ZDHHC6: variants seen among roughly 807,000 people sequenced by gnomAD.
The protein encoded by ZDHHC6 is palmitoyltransferase ZDHHC6.
Under a neutral mutation model 57.8 loss-of-function variants are expected in ZDHHC6, and 32 were observed. The observed-to-expected ratio is 0.55, with a 90% CI of 0.42 to 0.74. The LOEUF (loss-of-function observed/expected upper bound fraction) is 0.74. Among genes scored for constraint, ZDHHC6 ranks in the 30% least tolerant of loss-of-function variants. The probability of loss-of-function intolerance (pLI) is 0.00; values close to 1 mark genes in which losing one functional copy is unlikely to be tolerated. For missense variants in ZDHHC6, 433 were observed against 500.7 expected (o/e 0.86, Z 1.29); for synonymous variants, 128 against 158.0 (o/e 0.81, Z 1.42).
At chr10:112,447,094 C>G (rs1014452872), upstream of ZDHHC6, 4 of 454,314 alleles carry the variant, frequency 8.8e-6, no homozygotes, top group Non-Finnish European at 1.6e-5. Flanking sequence ...TATTTTCATA[C>G]GCTTTTCTGG....
At chr10:112,431,695 A>G (rs1326817679) in intron 10 of ZDHHC6, among the ~76,000 whole-genome samples, 2 of 152,026 alleles carry the variant, frequency 1.3e-5, no homozygotes, top group Admixed American at 6.6e-5. Flanking sequence ...GAACATCCCG[A>G]GCTAATCTTT....
intron 2 of ZDHHC6, among the ~76,000 whole-genome samples, 177 bp downstream of exon 2, chr10:112,444,993 G>A (rs1284135693): frequency 1.3e-5 from 2 of 151,966 alleles, no homozygotes; most frequent in Non-Finnish European, 2.9e-5. Flanking sequence ...GGATCAATGT[G>A]TTCAAACAGA....
Position 112,445,531 on chromosome 10 carries a change from T to C in ZDHHC6, c.-95A>G. On this transcript the variant is annotated 5_prime_UTR_variant, in exon 2 of 11. Transcript: ENST00000369405. The stretch of plus-strand genomic sequence containing the variant: ...ATGTGCCACAAGTCCATGTGTGTTC[T>C]TTAATTGTCATGCCTTCAAGCTGTG... 1.4e-6 allele frequency: 2 copies of C among 1,406,914 alleles called. No individual in the cohort carries two copies. The highest frequency in any genetic ancestry group is 1.4e-5 in the South Asian group (1 of 73,174). 87.2% of individuals were successfully genotyped at this position (1,406,914 alleles called of 1,614,324 possible). A position where few individuals can be genotyped will look rare whatever the true frequency, so the allele number is the denominator to read the frequency against.
At chr10:112,434,585 G>T in intron 6 of ZDHHC6, 121 bp from the exon 7 acceptor site, 1 of 1,005,882 alleles carries the variant, frequency 9.9e-7, no homozygotes, top group Non-Finnish European at 1.4e-6. Flanking sequence ...CCTCCTTGCT[G>T]TAATATTAGT....
At chr10:112,446,041 T>A (rs1564773285) in intron 1 of ZDHHC6, among the ~76,000 whole-genome samples, 1 of 152,168 alleles carries the variant, frequency 6.6e-6, no homozygotes, top group Non-Finnish European at 1.5e-5. Flanking sequence ...TAGACCAAGG[T>A]CACAAGTAAC....
In ZDHHC6 at chr10:112,445,263, G is replaced by A. The variant is rs1050706393; in HGVS notation, c.174C>T (p.Phe58=). 1 of 1,614,160 alleles carries A rather than the reference G, an allele frequency of 6.2e-7. No homozygotes were observed. Among genetic ancestry groups the A allele is most frequent in the Non-Finnish European group, 8.5e-7 (1 of 1,180,016 alleles). ...TGACAGTCCAATTTATCAACATGATGAAATTCACACTTCCTCCAGTTGTAT... is the reference window on the plus strand; with the variant it reads ...TGACAGTCCAATTTATCAACATGATAAAATTCACACTTCCTCCAGTTGTAT... ...PLHTTGGSVN[F]IMLINWTVMI... The change falls in exon 2 of 11, where the codon TTC becomes TTT. Residue 58 remains phenylalanine (F), a synonymous_variant. Transcript: ENST00000369405.
chr10:112,440,409 TA>T, intron 5 of ZDHHC6, 124 bp downstream of exon 5: 2 of 1,090,870 alleles, frequency 1.8e-6, no homozygotes, highest in Non-Finnish European at 2.5e-6. Flanking sequence ...ATTAGTTACC[TA>T]AATGAAATAA....
chr10:112,444,112 T>TATAGGG (rs1846412062), intron 2 of ZDHHC6, among the ~76,000 whole-genome samples: 1 of 152,214 alleles, frequency 6.6e-6, no homozygotes, highest in Non-Finnish European at 1.5e-5. Context: ...CACCTCTGAC[T>TATAGGG]GTGTCAGACT....
chr10:112,438,454 A>G (rs1845759757), intron 5 of ZDHHC6, 65 bp from the exon 6 acceptor site: 2 of 1,191,782 alleles, frequency 1.7e-6, no homozygotes, highest in Non-Finnish European at 2.3e-6. Flanking sequence ...TATCATATTC[A>G]TAATTCTCTG....
intron 6 of ZDHHC6, among the ~76,000 whole-genome samples, chr10:112,437,919 C>T (rs1448996993): frequency 1.3e-5 from 2 of 152,164 alleles, no homozygotes; most frequent in Admixed American, 6.5e-5. Context: ...AAGTATTGGA[C>T]ATTGTGAGGT....
rs1844910250 is a variant in ZDHHC6 at position 112,430,317 on chromosome 10, T to C, written c.*487A>G. 6.6e-6 allele frequency: 1 copy of C among 152,336 alleles called. No homozygotes were observed. Among genetic ancestry groups the C allele is most frequent in the Admixed American group, 6.5e-5 (1 of 15,292 alleles). The allele number at this position is 152,336 out of a possible 1,614,324, so 9.4% of individuals were successfully genotyped here. On this transcript the variant is annotated 3_prime_UTR_variant, in exon 11 of 11. Coordinates refer to ENST00000369405, the MANE Select transcript of ZDHHC6 (RefSeq NM_022494.3). ...AAAACTGATTATACCCAACATCCAT[T>C]GATCTTTATTTGATTTGACAAAATC...
chr10:112,438,545 G>A (rs1015566462), intron 5 of ZDHHC6, among the ~76,000 whole-genome samples, 156 bp from the exon 6 acceptor site: 1 of 151,764 alleles, frequency 6.6e-6, no homozygotes, highest in African/African-American at 2.4e-5. Context: ...CATGTCATCC[G>A]TCTGACTCCA....
intron 6 of ZDHHC6, among the ~76,000 whole-genome samples, chr10:112,434,823 T>C (rs1006013453): frequency 1.3e-5 from 2 of 152,236 alleles, no homozygotes; most frequent in African/African-American, 4.8e-5. Context: ...GGGATGCAGA[T>C]AAACAGATTC....
intron 2 of ZDHHC6, 54 bp from the exon 3 acceptor site, chr10:112,443,660 T>C (rs1179251548): frequency 2.1e-6 from 3 of 1,411,678 alleles, no homozygotes; most frequent in Admixed American, 1.7e-5. Context: ...AATATAAGTA[T>C]GATTCCTACG....
In ZDHHC6 at chr10:112,432,488, C is replaced by T. The variant is rs965780986; in HGVS notation, c.979G>A (p.Ala327Thr). Residue 327 changes from alanine (A) to threonine (T), a missense_variant, in exon 9 of 11, where the codon GCC (alanine) becomes ACC (threonine). Ala to Thr is a moderately conservative substitution (Grantham distance 58). Coordinates refer to ENST00000369405, the MANE Select transcript of ZDHHC6 (RefSeq NM_022494.3). ...ATTCCTTTATTCAGAGGGCAGCAGGCACCACTATAATCTTCTATTACTTTA... is the reference window on the plus strand; with the variant it reads ...ATTCCTTTATTCAGAGGGCAGCAGGTACCACTATAATCTTCTATTACTTTA... ...RYKVIEDYSG[A>T]CCPLNKGIKT... is the part of the protein sequence containing the mutation. 3.7e-6 allele frequency: 6 copies of T among 1,614,028 alleles called. No individual in the cohort carries two copies. In the African/African-American group the frequency reaches 5.3e-5, roughly 14 times the overall value.
downstream of ZDHHC6, chr10:112,425,526 G>A: frequency 6.7e-7 from 1 of 1,485,776 alleles, no homozygotes; most frequent in Non-Finnish European, 9.0e-7. Flanking sequence ...CACAAACCAT[G>A]CTGGTTCTTG....
chr10:112,426,434 G>C, downstream of ZDHHC6: 2 of 1,278,986 alleles, frequency 1.6e-6, no homozygotes, highest in Non-Finnish European at 1.1e-6. Flanking sequence ...ACCAGTTCCT[G>C]CATCTGTCAC....
At chr10:112,438,410 A>C (rs762275943) in intron 5 of ZDHHC6, 21 bp from the exon 6 acceptor site, 4 of 1,359,980 alleles carry the variant, frequency 2.9e-6, no homozygotes, top group Non-Finnish European at 3.9e-6. Flanking sequence ...AATGATAGTA[A>C]AATTTAATAA....
At chr10:112,441,129 G>A (rs193079544) in intron 4 of ZDHHC6, among the ~76,000 whole-genome samples, 1 of 152,358 alleles carries the variant, frequency 6.6e-6, no homozygotes. Context: ...ACAGGCGTGA[G>A]CCACTGAGCT....
Sources: allele counts gnomAD v4.1 joint callset (sites outside exome capture counted in the v4.1 genomes callset), GRCh38; gene constraint gnomAD v4.1.1; transcripts MANE v1.5; gene names NCBI Gene and HGNC (gene_info 2026-07-23, HGNC 2026-07-21).